Variants in ZIC2 observed in about 807,000 individuals in gnomAD.
The protein encoded by ZIC2 is Zic family zinc finger 2.
A neutral mutation model predicts 29.5 loss-of-function variants in ZIC2; 7 were observed. The ratio of observed to expected loss-of-function variants is 0.24; its 90% CI spans 0.14 to 0.45. The LOEUF (loss-of-function observed/expected upper bound fraction) is 0.45, where lower values mean the gene tolerates loss of function less well. Ranked by LOEUF, ZIC2 falls within the 20% of genes least tolerant of loss-of-function variation. The probability of loss-of-function intolerance (pLI) is 1.00; values close to 1 mark genes in which losing one functional copy is unlikely to be tolerated. For missense variants in ZIC2, 589 were observed against 781.2 expected (o/e 0.75, Z 2.93); for synonymous variants, 408 against 354.2 (o/e 1.15, Z -1.70).
chr13:99,984,600 A>G (rs1594291664), intron 1 of ZIC2: 2 of 359,520 alleles, frequency 5.6e-6, no homozygotes, highest in South Asian at 4.6e-5. Flanking sequence ...ATATTTTGTC[A>G]TAATAACAGC....
rs748109787 is a variant in ZIC2 at position 99,982,139 on chromosome 13, C to CGCG, written c.90_92dup (p.Ala33dup). On this transcript the variant is annotated inframe_insertion, in exon 1 of 3. Coordinates refer to ENST00000376335, the MANE Select transcript of ZIC2 (RefSeq NM_007129.5). The stretch of plus-strand genomic sequence containing the variant: ...TCGCGCGCCACCATCACCACTCCGC[C>CGCG]GCGGCGGCGGCGGCGGCTGCCGCCG... 1.1e-4 allele frequency: 145 copies of CGCG among 1,330,578 alleles called. No homozygotes were observed. Among genetic ancestry groups the CGCG allele is most frequent in the South Asian group, 4.8e-4 (23 of 48,262 alleles). The allele number at this position is 1,330,578 out of a possible 1,614,324, so 82.4% of individuals were successfully genotyped here. A position where few individuals can be genotyped will look rare whatever the true frequency, so the allele number is the denominator to read the frequency against.
At position 99,982,324 on chromosome 13, in the gene ZIC2, G is replaced by T. The variant is rs1230397352; in HGVS notation, c.260G>T (p.Gly87Val). Residue 87 changes from glycine to valine, a missense_variant, in exon 1 of 3, where the codon GGC becomes GTC. Gly to Val is a moderately radical substitution (Grantham distance 109, BLOSUM62 -3). Coordinates refer to ENST00000376335, the MANE Select transcript of ZIC2 (RefSeq NM_007129.5). The part of the protein sequence containing the change: ...FTSQGPGAYP[G>V]SAAAAAAAAA... ...TCGCAGGGCCCCGGCGCCTACCCCG[G>T]CTCCGCTGCGGCTGCCGCTGCGGCC... 1 of 1,467,050 alleles carries T rather than the reference G, an allele frequency of 6.8e-7. No individual in the cohort carries two copies. Among genetic ancestry groups the T allele is most frequent in the Non-Finnish European group, 9.0e-7 (1 of 1,112,148 alleles). The allele number at this position is 1,467,050 out of a possible 1,614,324, so 90.9% of individuals were successfully genotyped here. A position where few individuals can be genotyped will look rare whatever the true frequency, so the allele number is the denominator to read the frequency against.
chr13:99,985,840 T>TTG lies in ZIC2; in HGVS notation c.*159_*160insGT, dbSNP rs1555332506. ...CCAGCAGAAGGATTTTTTAAAGTTT[T>TTG]TTTTTTTTTTTTAATAATAATCTAG... On this transcript the variant is annotated 3_prime_UTR_variant, in exon 3 of 3. Coordinates refer to ENST00000376335, the MANE Select transcript of ZIC2 (RefSeq NM_007129.5). This position sits in a 1 kb window ranked among gnomAD's most constrained non-coding sequence, Gnocchi z 6.3. 3.5e-6 allele frequency: 1 copy of TTG among 289,202 alleles called. No homozygotes were observed. Among genetic ancestry groups the TTG allele is most frequent in the African/African-American group, 2.3e-5 (1 of 43,494 alleles). 17.9% of individuals were successfully genotyped at this position (289,202 alleles called of 1,614,324 possible).
In ZIC2 at chr13:99,986,165, CTTTCTCT is replaced by C. The variant is rs1413049790; in HGVS notation, c.*494_*500del. Reference sequence around the variant, plus strand: ...CCCTTCCCTTCCCTAAAGTGATGGGCTTTCTCTTTTCTCTTTTTAGTTTACCCGGTTT... The same window carrying C: ...CCCTTCCCTTCCCTAAAGTGATGGGCTTTCTCTTTTTAGTTTACCCGGTTT... On this transcript the variant is annotated 3_prime_UTR_variant, in exon 3 of 3. Coordinates refer to ENST00000376335, the MANE Select transcript of ZIC2 (RefSeq NM_007129.5). 1 of 392,190 alleles carries C rather than the reference CTTTCTCT, an allele frequency of 2.5e-6. No homozygotes were observed. Among genetic ancestry groups the C allele is most frequent in the African/African-American group, 2.1e-5 (1 of 47,146 alleles). 24.3% of individuals were successfully genotyped at this position (392,190 alleles called of 1,614,324 possible). A position where few individuals can be genotyped will look rare whatever the true frequency, so the allele number is the denominator to read the frequency against.
At chr13:99,984,111 T>C (rs2053250242) in intron 1 of ZIC2, among the ~76,000 whole-genome samples, 1 of 152,172 alleles carries the variant, frequency 6.6e-6, no homozygotes, top group Admixed American at 6.5e-5. Flanking sequence ...CGCTTTCGAG[T>C]CCTGTGTCTG....
chr13:99,985,684 G>T lies in ZIC2; in HGVS notation c.*2G>T. On this transcript the variant is annotated 3_prime_UTR_variant, in exon 3 of 3. Coordinates refer to ENST00000376335, the MANE Select transcript of ZIC2 (RefSeq NM_007129.5). The surrounding 1 kb of genome is among the most constrained non-coding windows in gnomAD (Gnocchi z 6.3). ...AACTTCAATGAATGGTACGTGTGAC[G>T]GGTCGGGGCCTCTCTCCCTCTCCCT... 2 of 1,337,406 alleles carry T rather than the reference G, an allele frequency of 1.5e-6. No homozygotes were observed. 82.8% of individuals were successfully genotyped at this position (1,337,406 alleles called of 1,614,324 possible). A position where few individuals can be genotyped will look rare whatever the true frequency, so the allele number is the denominator to read the frequency against.
Position 99,985,373 on chromosome 13 carries a change from C to A in ZIC2, c.1290C>A (p.Ser430=), listed in dbSNP as rs780916615. The A allele has an allele frequency of 6.3e-7, 1 of 1,597,802 alleles. No homozygotes were observed. ...QGSESSPAAS[S]GYESSTPPGL... ...CTGAATCCTCCCCGGCCGCCAGCTC[C>A]GGCTATGAGTCGTCCACGCCCCCGG... is the stretch of plus-strand genomic sequence containing the variant. The change falls in exon 3 of 3, where the codon TCC becomes TCA. Residue 430 remains serine (S), a synonymous_variant. Transcript: ENST00000376335. The surrounding 1 kb of genome is among the most constrained non-coding windows in gnomAD (Gnocchi z 6.3).
Position 99,982,503 on chromosome 13 carries a change from C to T in ZIC2, c.439C>T (p.His147Tyr). The T allele has an allele frequency of 6.6e-7, 1 of 1,506,692 alleles. No homozygotes were observed. The highest frequency in any genetic ancestry group is 2.1e-4 in the Middle Eastern group (1 of 4,860). The allele number at this position is 1,506,692 out of a possible 1,614,324, so 93.3% of individuals were successfully genotyped here. A position where few individuals can be genotyped will look rare whatever the true frequency, so the allele number is the denominator to read the frequency against. The stretch of plus-strand genomic sequence containing the variant: ...GTTCGGGCCGGGCGCGGGCGGCCTG[C>T]ACCACGCGCACTCGGACGCGCAGGG... Reference protein sequence around the residue: ...GLFGPGAGGLHHAHSDAQGHL... With the variant: ...GLFGPGAGGLYHAHSDAQGHL... Residue 147 changes from histidine to tyrosine, a missense_variant, in exon 1 of 3, where the codon CAC (histidine) becomes TAC (tyrosine). Transcript: ENST00000376335.
In ZIC2 at chr13:99,985,890, C is replaced by T. The variant is rs1433891969; in HGVS notation, c.*208C>T. ...GGCATGAAGAGCAAAAATATCCCTT[C>T]CGGAGTCTTTGAAGCTGAAAATATA... On this transcript the variant is annotated 3_prime_UTR_variant, in exon 3 of 3. Transcript: ENST00000376335. This position sits in a 1 kb window ranked among gnomAD's most constrained non-coding sequence, Gnocchi z 6.3. 3.5e-6 allele frequency: 1 copy of T among 285,262 alleles called. No individual in the cohort carries two copies. The highest frequency in any genetic ancestry group is 6.7e-6 in the Non-Finnish European group (1 of 149,280). The allele number at this position is 285,262 out of a possible 1,614,324, so 17.7% of individuals were successfully genotyped here.
chr13:99,982,166 G>A lies in ZIC2; in HGVS notation c.102G>A (p.Glu34=), dbSNP rs748959709. 1.4e-5 allele frequency: 19 copies of A among 1,380,094 alleles called. No individual in the cohort carries two copies. Among genetic ancestry groups the A allele is most frequent in the Non-Finnish European group, 1.5e-5 (16 of 1,071,050 alleles). 85.5% of individuals were successfully genotyped at this position (1,380,094 alleles called of 1,614,324 possible). ...SAAAAAAAAA[E]MQDRELSLAA... ...CGGCGGCGGCGGCGGCTGCCGCCGA[G>A]ATGCAGGACCGTGAACTGAGCCTGG... The change falls in exon 1 of 3, where the codon GAG becomes GAA. Residue 34 remains glutamate, a synonymous_variant. Coordinates refer to ENST00000376335, the MANE Select transcript of ZIC2 (RefSeq NM_007129.5).
rs940308833 is a variant in ZIC2, at chr13:99,986,482, G to A, written c.*800G>A. On this transcript the variant is annotated 3_prime_UTR_variant, in exon 3 of 3. Coordinates refer to ENST00000376335, the MANE Select transcript of ZIC2 (RefSeq NM_007129.5). ...TTTGTTAGTTCCTGTATGAAAGATT[G>A]TGGGGGAAAAATAAACGTCGTGCCG... The A allele has an allele frequency of 6.5e-6, 1 of 153,640 alleles. No homozygotes were observed. The highest frequency in any genetic ancestry group is 1.5e-5 in the Non-Finnish European group (1 of 68,710). The allele number at this position is 153,640 out of a possible 1,614,324, so 9.5% of individuals were successfully genotyped here.
rs1215933692 is a variant in ZIC2 at position 99,982,508 on chromosome 13, C to T, written c.444C>T (p.His148=). ...GGCCGGGCGCGGGCGGCCTGCACCA[C>T]GCGCACTCGGACGCGCAGGGCCACC... The part of the protein sequence containing the change: ...LFGPGAGGLH[H]AHSDAQGHLL... The change falls in exon 1 of 3, where the codon CAC becomes CAT. Residue 148 remains histidine, a synonymous_variant. Transcript: ENST00000376335. 1.3e-6 allele frequency: 2 copies of T among 1,510,080 alleles called. No homozygotes were observed. The highest frequency in any genetic ancestry group is 2.0e-4 in the Middle Eastern group (1 of 4,988). The allele number at this position is 1,510,080 out of a possible 1,614,324, so 93.5% of individuals were successfully genotyped here. A position where few individuals can be genotyped will look rare whatever the true frequency, so the allele number is the denominator to read the frequency against.
chr13:99,983,276 G>A lies in ZIC2; in HGVS notation c.1075+137G>A, dbSNP rs2053245972. ...GGGAGGTGTTTTTGCGTGTACGAAA[G>A]AGCCAGCAGCTTGTTTCTGTTGGAC... On this transcript the variant is annotated intron_variant, in intron 1 of 2. Coordinates refer to ENST00000376335, the MANE Select transcript of ZIC2 (RefSeq NM_007129.5). The surrounding 1 kb of genome is among the most constrained non-coding windows in gnomAD (Gnocchi z 4.7). 8.5e-7 allele frequency: 1 copy of A among 1,172,838 alleles called. No individual in the cohort carries two copies. The highest frequency in any genetic ancestry group is 2.8e-5 in the Admixed American group (1 of 35,318). The allele number at this position is 1,172,838 out of a possible 1,614,324, so 72.7% of individuals were successfully genotyped here.
At position 99,985,552 on chromosome 13, in the gene ZIC2, G is replaced by A. The variant is rs1277900609; in HGVS notation, c.1469G>A (p.Gly490Asp). 1.0e-6 allele frequency: 1 copy of A among 994,342 alleles called. No homozygotes were observed. The highest frequency in any genetic ancestry group is 1.8e-5 in the African/African-American group (1 of 56,492). The allele number at this position is 994,342 out of a possible 1,614,324, so 61.6% of individuals were successfully genotyped here. A position where few individuals can be genotyped will look rare whatever the true frequency, so the allele number is the denominator to read the frequency against. ...AGTGGCGGCGCGGGAGGCGGCTCAG[G>A]CGGCGGCAGCGGCAGTGGCGGGGGC... is the stretch of plus-strand genomic sequence containing the variant. ...SGSGGAGGGS[G>D]GGSGSGGGGG... The change falls in exon 3 of 3, where the codon GGC becomes GAC. Residue 490 changes from glycine (G) to aspartate (D), a missense_variant. Gly to Asp is a moderately conservative substitution (Grantham distance 94). Transcript: ENST00000376335. This position sits in a 1 kb window ranked among gnomAD's most constrained non-coding sequence, Gnocchi z 6.3.
In ZIC2 at chr13:99,982,562, C is replaced by T. The variant is rs763471288; in HGVS notation, c.498C>T (p.His166=). ...TCTTCCCGGGCCTGCCAGAGCAGCACGGGCCGCACGGCTCGCAGAATGTGC... is the reference window on the plus strand; with the variant it reads ...TCTTCCCGGGCCTGCCAGAGCAGCATGGGCCGCACGGCTCGCAGAATGTGC... ...HLLFPGLPEQ[H]GPHGSQNVLN... is the part of the protein sequence containing the mutation. The change falls in exon 1 of 3, where the codon CAC becomes CAT. Residue 166 remains histidine (H), a synonymous_variant. Transcript: ENST00000376335. 6 of 1,556,370 alleles carry T rather than the reference C, an allele frequency of 3.9e-6. No homozygotes were observed. The highest frequency in any genetic ancestry group is 5.2e-6 in the Non-Finnish European group (6 of 1,155,950).
rs946417954 is a variant in ZIC2 at position 99,983,924 on chromosome 13, C to G, written c.1075+785C>G. Reference sequence around the variant, plus strand: ...TGACCAGGTCTCAGCCAAAATCGTGCCAGACGATTTCCTAAAAGAAAGCCA... The same window carrying G: ...TGACCAGGTCTCAGCCAAAATCGTGGCAGACGATTTCCTAAAAGAAAGCCA... On this transcript the variant is annotated intron_variant, in intron 1 of 2. Transcript: ENST00000376335. This position sits in a 1 kb window ranked among gnomAD's most constrained non-coding sequence, Gnocchi z 4.7. Among the ~76,000 whole-genome samples the G allele has an allele frequency of 3.9e-5, 6 of 152,172 alleles. No individual in the cohort carries two copies. The highest frequency in any genetic ancestry group is 8.8e-5 in the Non-Finnish European group (6 of 68,052).
In ZIC2 at chr13:99,985,440, C is replaced by G; in HGVS notation, c.1357C>G (p.Leu453Val). ...CGCCGAGCCCCAGAGCAGCTCCAAC[C>G]TGTCCCCAGCGGCGGCGGCAGCGGC... is the stretch of plus-strand genomic sequence containing the variant. ...PSAEPQSSSNLSPAAAAAAAA... is the reference protein window; with the variant it reads ...PSAEPQSSSNVSPAAAAAAAA... The change falls in exon 3 of 3, where the codon CTG becomes GTG. Residue 453 changes from leucine (L) to valine (V), a missense_variant. Leu to Val is a conservative substitution (Grantham distance 32). Transcript: ENST00000376335. The surrounding 1 kb of genome is among the most constrained non-coding windows in gnomAD (Gnocchi z 6.3). 3 of 1,443,232 alleles carry G rather than the reference C, an allele frequency of 2.1e-6. No homozygotes were observed. Among genetic ancestry groups the G allele is most frequent in the Non-Finnish European group, 2.7e-6 (3 of 1,106,276 alleles). The allele number at this position is 1,443,232 out of a possible 1,614,324, so 89.4% of individuals were successfully genotyped here.
Position 99,986,205 on chromosome 13 carries a change from A to G in ZIC2, c.*523A>G, listed in dbSNP as rs1398196806. ...TTTTAGTTTACCCGGTTTCTTTTTA[A>G]GTAATGTGGAAGAAAATGGTTTATT... is the stretch of plus-strand genomic sequence containing the variant. On this transcript the variant is annotated 3_prime_UTR_variant, in exon 3 of 3. Transcript: ENST00000376335. 1 of 311,204 alleles carries G rather than the reference A, an allele frequency of 3.2e-6. No individual in the cohort carries two copies. Among genetic ancestry groups the G allele is most frequent in the Non-Finnish European group, 6.3e-6 (1 of 159,450 alleles). The allele number at this position is 311,204 out of a possible 1,614,324, so 19.3% of individuals were successfully genotyped here. A position where few individuals can be genotyped will look rare whatever the true frequency, so the allele number is the denominator to read the frequency against.
intron 1 of ZIC2, chr13:99,984,567 G>A (rs2053253579): frequency 3.0e-6 from 1 of 328,384 alleles, no homozygotes; most frequent in Non-Finnish European, 5.9e-6. Flanking sequence ...CCAGCAGCCT[G>A]TGTGATTTTG....
Sources: gnomAD v4.1 joint callset for allele counts (sites outside exome capture counted in the v4.1 genomes callset) on GRCh38, gnomAD v4.1.1 for gene constraint, Gnocchi (gnomAD v3.1) non-coding constraint, MANE v1.5 for transcripts, NCBI Gene and HGNC (gene_info 2026-07-23, HGNC 2026-07-21) for gene names.